Variants in CDH23 observed in about 807,000 individuals in gnomAD.
The protein encoded by CDH23 is cadherin-23.
CDH23 carries 189 observed loss-of-function variants against 317.1 expected under a neutral mutation model. The observed-to-expected ratio is 0.60, with a 90% CI of 0.53 to 0.67. The LOEUF (loss-of-function observed/expected upper bound fraction) is 0.67. Among genes scored for constraint, CDH23 ranks in the 30% least tolerant of loss-of-function variants. CDH23 has a pLI of 0.00. For synonymous variants in CDH23, 1,839 were observed against 1,876.8 expected (o/e 0.98, Z 0.52); for missense variants, 4,401 against 4,592.4 (o/e 0.96, Z 1.20).
In CDH23 at chr10:71,668,548, T is replaced by C. The variant is rs1201955051; in HGVS notation, c.1450-6564T>C. Among the ~76,000 whole-genome samples the C allele has an allele frequency of 3.3e-5, 5 of 152,238 alleles. 1 individual carries two copies. In the South Asian group the frequency reaches 1.0e-3, roughly 32 times the overall value. ...CCCTGGCCAAGTCGATTGATCTCTCTTGAGTCTCTGTCCCCTCCTTCATCT... is the reference window on the plus strand; with the variant it reads ...CCCTGGCCAAGTCGATTGATCTCTCCTGAGTCTCTGTCCCCTCCTTCATCT... On this transcript the variant is annotated intron_variant, in intron 14 of 69. Coordinates refer to ENST00000224721, the MANE Select transcript of CDH23 (RefSeq NM_022124.6).
chr10:71,589,433 A>G (rs1456088799), intron 9 of CDH23, among the ~76,000 whole-genome samples: 4 of 152,162 alleles, frequency 2.6e-5, no homozygotes, highest in African/African-American at 7.2e-5. Context: ...CAATTTTTTT[A>G]AAAGAAGGAA....
chr10:71,632,960 C>T (rs1247011441), intron 11 of CDH23, among the ~76,000 whole-genome samples: 1 of 152,102 alleles, frequency 6.6e-6, no homozygotes, highest in Non-Finnish European at 1.5e-5. Context: ...GGTGAGGGCC[C>T]TCTTGCTGGT....
intron 1 of CDH23, among the ~76,000 whole-genome samples, chr10:71,411,062 G>A (rs1848325611): frequency 6.6e-6 from 1 of 152,150 alleles, no homozygotes; most frequent in African/African-American, 2.4e-5. Context: ...TCTTGATATT[G>A]CCAGTGTAAA....
At chr10:71,491,925 G>A (rs962052255) in intron 3 of CDH23, among the ~76,000 whole-genome samples, 2 of 152,182 alleles carry the variant, frequency 1.3e-5, no homozygotes, top group African/African-American at 4.8e-5. Context: ...GCACACGCAG[G>A]TCCTGGTGCC....
intron 3 of CDH23, among the ~76,000 whole-genome samples, chr10:71,458,043 A>C (rs1202743625): frequency 1.3e-5 from 2 of 152,146 alleles, no homozygotes; most frequent in Non-Finnish European, 2.9e-5. Context: ...TGGACTCCCT[A>C]GTAACTGGCA....
intron 60 of CDH23, among the ~76,000 whole-genome samples, chr10:71,809,445 T>C (rs536388963): frequency 2.5e-4 from 38 of 152,156 alleles, no homozygotes; most frequent in African/African-American, 8.9e-4. Context: ...TCCCAAAGTG[T>C]TGAGATTCAG....
intron 9 of CDH23, among the ~76,000 whole-genome samples, chr10:71,588,492 CTTTATTATTATTA>C (rs988443847): frequency 8.6e-5 from 13 of 152,024 alleles, no homozygotes; most frequent in Admixed American, 5.9e-4. Flanking sequence ...AGTAGGCACA[CTTTATTATTATTA>C]TTTATTATTA....
At chr10:71,716,184 A>G in intron 28 of CDH23, 3 of 1,551,174 alleles carry the variant, frequency 1.9e-6, no homozygotes, top group Non-Finnish European at 2.6e-6. Context: ...AACAGCAGAC[A>G]GGTGGCCAGC....
chr10:71,726,826 C>T (rs1263579708), intron 30 of CDH23, among the ~76,000 whole-genome samples: 1 of 152,258 alleles, frequency 6.6e-6, no homozygotes, highest in East Asian at 1.9e-4. Flanking sequence ...GGCCCTCGCT[C>T]CCCGCTCCCT....
intron 9 of CDH23, among the ~76,000 whole-genome samples, chr10:71,588,334 T>C (rs10762456): frequency 0.86 from 130,154 of 152,126 alleles, 55,768 homozygotes; most frequent in African/African-American, 0.9. Context: ...CCACAGTCAG[T>C]CTGGGCTCAA....
At position 71,811,970 on chromosome 10, in the gene CDH23, T is replaced by C. The variant is rs201359237; in HGVS notation, c.9335T>C (p.Ile3112Thr). Residue 3112 changes from isoleucine to threonine, a missense_variant, in exon 66 of 70, where the codon ATC becomes ACC. Around this residue, in one of 3 missense-constraint regions of CDH23, gnomAD observed 1,144 missense variants for 1,138.2 expected, o/e 1.01. Coordinates refer to ENST00000224721, the MANE Select transcript of CDH23 (RefSeq NM_022124.6). ...VAGSAGNRGFIDIMDMPNTNK... is the reference protein window; with the variant it reads ...VAGSAGNRGFTDIMDMPNTNK... ...CTCCCTGCAGGGAATCGTGGCTTCA[T>C]CGACATCATGGACATGCCTAACACC... The C allele has an allele frequency of 7.7e-5, 122 of 1,586,062 alleles. No individual in the cohort carries two copies. The African/African-American group carries it at 1.5e-3, about 20-fold the overall frequency.
intron 3 of CDH23, among the ~76,000 whole-genome samples, chr10:71,465,850 G>T (rs1851225631): frequency 6.6e-6 from 1 of 151,910 alleles, no homozygotes; most frequent in Admixed American, 6.5e-5. Context: ...TCATAAATTA[G>T]TGCCGGGTAC....
intron 16 of CDH23, 40 bp from the exon 17 acceptor site, chr10:71,679,347 C>A (rs759373829): frequency 7.0e-7 from 1 of 1,432,934 alleles, no homozygotes; most frequent in African/African-American, 1.4e-5. Context: ...CCCCCAGTCT[C>A]CTGCAGGCTC....
Position 71,784,191 on chromosome 10 carries a change from C to T in CDH23, c.5369-96C>T, listed in dbSNP as rs557410904. On this transcript the variant is annotated intron_variant, in intron 41 of 69. Coordinates refer to ENST00000224721, the MANE Select transcript of CDH23 (RefSeq NM_022124.6). ...GGCCCCAGCTGTCCCCCACCTGTGA[C>T]GAGTGAGGCTTGCTAGAGGAAGCAG... 187 of 1,378,164 alleles carry T rather than the reference C, an allele frequency of 1.4e-4. No homozygotes were observed. The African/African-American group carries it at 1.4e-3, about 11-fold the overall frequency. The allele number at this position is 1,378,164 out of a possible 1,614,324, so 85.4% of individuals were successfully genotyped here.
At chr10:71,683,923 A>G (rs1864763168) in intron 18 of CDH23, among the ~76,000 whole-genome samples, 1 of 152,094 alleles carries the variant, frequency 6.6e-6, no homozygotes, top group Admixed American at 6.5e-5. Flanking sequence ...GCTACTAAAA[A>G]TACAAAAATT....
At chr10:71,561,359 G>A (rs953315135) in intron 6 of CDH23, among the ~76,000 whole-genome samples, 1 of 150,834 alleles carries the variant, frequency 6.6e-6, no homozygotes, top group African/African-American at 2.4e-5. Flanking sequence ...CCTCCTTCCT[G>A]CCTCTCTGCC....
chr10:71,693,829 C>T (rs1275136070), intron 20 of CDH23, among the ~76,000 whole-genome samples: 1 of 152,174 alleles, frequency 6.6e-6, no homozygotes. Context: ...AGCTTAAGGC[C>T]TAATGGCCCT....
In CDH23 at chr10:71,682,559, C is replaced by T; in HGVS notation, c.1973C>T (p.Thr658Ile). The change falls in exon 18 of 70, where the codon ACC becomes ATC. Residue 658 changes from threonine to isoleucine, a missense_variant. Thr to Ile is a moderately conservative substitution (Grantham distance 89). Transcript: ENST00000224721. ...NPPLNSTVPV[T>I]IEVFDENDNP... ...CCTCTCAACAGCACCGTCCCTGTCA[C>T]CATCGAGGTGTTTGTAAGTACCCAG... 6.2e-7 allele frequency: 1 copy of T among 1,613,420 alleles called. No homozygotes were observed. The highest frequency in any genetic ancestry group is 8.5e-7 in the Non-Finnish European group (1 of 1,179,666).
At chr10:71,800,786 C>G (rs1308746069) in intron 53 of CDH23, 31 bp downstream of exon 53, 25 of 1,609,894 alleles carry the variant, frequency 1.6e-5, no homozygotes, top group Non-Finnish European at 2.0e-5. Context: ...CCAGGGATGA[C>G]AGGGACTGGG....
Sources: allele counts gnomAD v4.1 joint callset (sites outside exome capture counted in the v4.1 genomes callset), GRCh38; gene constraint gnomAD v4.1.1; regional missense constraint gnomAD v4.1.1; transcripts MANE v1.5; gene names NCBI Gene and HGNC (gene_info 2026-07-23, HGNC 2026-07-21).